The following TUBA8 variants were observed in gnomAD, a reference collection of about 807,000 sequenced individuals.
TUBA8 encodes tubulin alpha-8 chain.
Under a neutral mutation model 34.7 loss-of-function variants are expected in TUBA8, and 29 were observed. The observed-to-expected ratio is 0.84, with a 90% confidence interval of 0.62 to 1.14. The LOEUF is 1.14. TUBA8 is among the 50% of genes most tolerant of loss of function. The pLI is 0.00. For missense variants in TUBA8, 541 were observed against 599.2 expected (o/e 0.90, Z 1.01); for synonymous variants, 226 against 231.2 (o/e 0.98, Z 0.21).
Position 18,124,506 on chromosome 22 carries a change from T to A in TUBA8, c.375+202T>A. 1.6e-6 allele frequency: 1 copy of A among 610,742 alleles called. No individual in the cohort carries two copies. Among genetic ancestry groups the A allele is most frequent in the East Asian group, 2.9e-5 (1 of 34,848 alleles). The allele number at this position is 610,742 out of a possible 1,614,324, so 37.8% of individuals were successfully genotyped here. A position where few individuals can be genotyped will look rare whatever the true frequency, so the allele number is the denominator to read the frequency against. On this transcript the variant is annotated intron_variant, in intron 3 of 4. Transcript: ENST00000330423. This position sits in a 1 kb window ranked among gnomAD's most constrained non-coding sequence, Gnocchi z 4.3. ...TCCTCTGTGTTGGCATCATAGACTG[T>A]GTTCCAGGCTGAGGCCCTACTCATA... is the stretch of plus-strand genomic sequence containing the variant.
At position 18,121,465 on chromosome 22, in the gene TUBA8, C is replaced by T. The variant is rs768192799; in HGVS notation, c.4-14C>T. 6.2e-7 allele frequency: 1 copy of T among 1,612,946 alleles called. No individual in the cohort carries two copies. Among genetic ancestry groups the T allele is most frequent in the South Asian group, 1.1e-5 (1 of 91,056 alleles). On this transcript the variant is annotated splice_polypyrimidine_tract_variant and intron_variant, in intron 1 of 4. Coordinates refer to ENST00000330423, the MANE Select transcript of TUBA8 (RefSeq NM_018943.3). This position sits in a 1 kb window ranked among gnomAD's most constrained non-coding sequence, Gnocchi z 4.8. Reference sequence around the variant, plus strand: ...CCCAGACTCTCTGACCTCGTTGCTTCCCTCTCCCCACAGCGGGAATGCATA... The same window carrying T: ...CCCAGACTCTCTGACCTCGTTGCTTTCCTCTCCCCACAGCGGGAATGCATA...
chr22:18,127,547 C>T, intron 4 of TUBA8: 1 of 156,550 alleles, frequency 6.4e-6, no homozygotes, highest in Non-Finnish European at 1.4e-5. Flanking sequence ...GCGCCCGCCG[C>T]CACGCCCAGC....
At chr22:18,122,080 C>T in intron 2 of TUBA8, 1 of 232,208 alleles carries the variant, frequency 4.3e-6, no homozygotes, top group Non-Finnish European at 8.6e-6. Flanking sequence ...GTGGGTATAA[C>T]CTCACAGCAT....
In TUBA8 at chr22:18,119,041, G is replaced by A. The variant is rs1262415846; in HGVS notation, c.4-2438G>A. On this transcript the variant is annotated intron_variant, in intron 1 of 4. Transcript: ENST00000330423. This position sits in a 1 kb window ranked among gnomAD's most constrained non-coding sequence, Gnocchi z 5.9. ...GACTAGAGGGTGGTCGGGATGCGGT[G>A]GTGGTGAGGGGGCGACAGACCCAGA... The A allele has an allele frequency of 1.3e-5, 2 of 152,482 alleles. No homozygotes were observed. Among genetic ancestry groups the A allele is most frequent in the African/African-American group, 2.4e-5 (1 of 41,434 alleles). 9.4% of individuals were successfully genotyped at this position (152,482 alleles called of 1,614,324 possible).
chr22:18,126,636 G>T lies in TUBA8; in HGVS notation c.658G>T (p.Glu220Ter). Residue 220 changes from glutamate to a stop codon, truncating the protein, a stop_gained, in exon 4 of 5, where the codon GAG becomes TAG. Coordinates refer to ENST00000330423, the MANE Select transcript of TUBA8 (RefSeq NM_018943.3). LOFTEE classifies it high-confidence loss of function. This position sits in a 1 kb window ranked among gnomAD's most constrained non-coding sequence, Gnocchi z 4.0. The part of the protein sequence containing the change: ...YDICRRNLDI[E>*]RPTYTNLNRL... ...CATCTGCCGCAGGAACCTTGACATT[G>T]AGCGCCCTACCTATACCAACCTCAA... The T allele has an allele frequency of 6.2e-7, 1 of 1,614,062 alleles. No individual in the cohort carries two copies. The highest frequency in any genetic ancestry group is 8.5e-7 in the Non-Finnish European group (1 of 1,180,028).
chr22:18,113,113 G>A (rs1475589235), intron 1 of TUBA8: 1 of 152,232 alleles, frequency 6.6e-6, no homozygotes, highest in Non-Finnish European at 1.5e-5. Context: ...TTCTCTAGCT[G>A]CTAGGCAGAT....
At chr22:18,123,929 A>G in intron 2 of TUBA8, 1 of 575,600 alleles carries the variant, frequency 1.7e-6, no homozygotes, top group Non-Finnish European at 3.1e-6. Context: ...CCAGCAGGGC[A>G]GCCTGCTTCT....
rs1482266553 is a variant in TUBA8, at chr22:18,118,449, T to G, written c.4-3030T>G. ...CTTGTGAGGCTCAGGTTGTCTCATC[T>G]TAGGCAGCAGGAGCCTCTTCAGGTG... On this transcript the variant is annotated intron_variant, in intron 1 of 4. Transcript: ENST00000330423. The surrounding 1 kb of genome is among the most constrained non-coding windows in gnomAD (Gnocchi z 4.0). The G allele has an allele frequency of 6.6e-6, 1 of 152,234 alleles. No homozygotes were observed. Among genetic ancestry groups the G allele is most frequent in the Non-Finnish European group, 1.5e-5 (1 of 68,054 alleles). The allele number at this position is 152,234 out of a possible 1,614,324, so 9.4% of individuals were successfully genotyped here.
chr22:18,124,053 G>A lies in TUBA8; in HGVS notation c.227-103G>A, dbSNP rs569728086. ...TGGTCTGGCTTCAAACCTCCATGGA[G>A]TTTTATAGGTAGGGGAGAACGGAAG... On this transcript the variant is annotated intron_variant, in intron 2 of 4. Transcript: ENST00000330423. The surrounding 1 kb of genome is among the most constrained non-coding windows in gnomAD (Gnocchi z 4.3). 5 of 1,456,378 alleles carry A rather than the reference G, an allele frequency of 3.4e-6. No homozygotes were observed. In the Admixed American group the frequency reaches 5.4e-5, roughly 16 times the overall value. The allele number at this position is 1,456,378 out of a possible 1,614,324, so 90.2% of individuals were successfully genotyped here. A position where few individuals can be genotyped will look rare whatever the true frequency, so the allele number is the denominator to read the frequency against.
intron 1 of TUBA8, chr22:18,117,644 G>A (rs149239643): frequency 0.025 from 3,731 of 152,018 alleles, 154 homozygotes; most frequent in African/African-American, 0.086. Flanking sequence ...GTGTGGTGGC[G>A]AGCGCCCGTA....
intron 1 of TUBA8, chr22:18,113,292 C>G (rs1439508202): frequency 6.6e-6 from 1 of 152,276 alleles, no homozygotes; most frequent in African/African-American, 2.4e-5. Flanking sequence ...GAGCCTCTGT[C>G]CTGAGCCACC....
intron 1 of TUBA8, chr22:18,114,564 G>A (rs1927908076): frequency 1.3e-5 from 2 of 152,244 alleles, no homozygotes; most frequent in Admixed American, 1.3e-4. Context: ...AGCCACATCT[G>A]TCCTTACTTT....
intron 2 of TUBA8, chr22:18,122,001 T>C: frequency 2.7e-6 from 1 of 369,418 alleles, no homozygotes; most frequent in Non-Finnish European, 5.0e-6. Flanking sequence ...TCCAAATAAT[T>C]TTAGAAATTA....
intron 4 of TUBA8, 44 bp from the exon 5 acceptor site, chr22:18,130,799 C>T (rs761875168): frequency 6.2e-7 from 1 of 1,612,034 alleles, no homozygotes; most frequent in South Asian, 1.1e-5. Flanking sequence ...CTCTGGCTGA[C>T]TTGTATCTTC....
chr22:18,115,894 C>T (rs992614763), intron 1 of TUBA8: 1 of 152,198 alleles, frequency 6.6e-6, no homozygotes, highest in Admixed American at 6.5e-5. Flanking sequence ...CCTCTTCACC[C>T]CCCAGAAGAA....
intron 4 of TUBA8, chr22:18,130,612 A>T: frequency 3.6e-6 from 2 of 558,826 alleles, no homozygotes; most frequent in Non-Finnish European, 3.2e-6. Flanking sequence ...TTTTTGGTAG[A>T]GATGGGTTTT....
intron 4 of TUBA8, 153 bp from the exon 5 acceptor site, chr22:18,130,690 G>C: frequency 1.0e-6 from 1 of 963,710 alleles, no homozygotes; most frequent in Non-Finnish European, 1.6e-6. Flanking sequence ...GGCTTCCCCA[G>C]TCCCATCCCG....
chr22:18,122,025 A>T (rs985027657), intron 2 of TUBA8: 1 of 309,382 alleles, frequency 3.2e-6, no homozygotes, highest in African/African-American at 2.1e-5. Context: ...GACACCCCTA[A>T]GTGAGCAATT....
chr22:18,126,548 C>T lies in TUBA8; in HGVS notation c.570C>T (p.Thr190=), dbSNP rs141040298. ...AVVEPYNSIL[T]THTTLEHSDC... ...TGGAGCCCTACAACTCCATCCTGAC[C>T]ACCCACACCACACTGGAACATTCAG... The change falls in exon 4 of 5, where the codon ACC becomes ACT. Residue 190 remains threonine (T), a synonymous_variant. Transcript: ENST00000330423. The surrounding 1 kb of genome is among the most constrained non-coding windows in gnomAD (Gnocchi z 4.0). 257 of 1,614,026 alleles carry T rather than the reference C, an allele frequency of 1.6e-4. 1 individual carries two copies. Among genetic ancestry groups the T allele is most frequent in the Non-Finnish European group, 3.2e-5 (38 of 1,180,036 alleles).
Sources: gnomAD v4.1 joint callset for allele counts on GRCh38, gnomAD v4.1.1 for gene constraint, Gnocchi (gnomAD v3.1) non-coding constraint, MANE v1.5 for transcripts, NCBI Gene and HGNC (gene_info 2026-07-23, HGNC 2026-07-21) for gene names.